The following SRI variants were observed in gnomAD, a reference collection of about 807,000 sequenced individuals.
SRI encodes sorcin, also known as 22 kDa protein.
SRI carries 30 observed loss-of-function variants against 33.3 expected under a neutral mutation model. The ratio of observed to expected loss-of-function variants is 0.90; its 90% CI spans 0.67 to 1.22. SRI has a LOEUF of 1.22. SRI is among the 50% of genes most tolerant of loss of function. The pLI is 0.00. For synonymous variants in SRI, 75 were observed against 89.9 expected (o/e 0.83, Z 0.94); for missense variants, 243 against 250.8 (o/e 0.97, Z 0.21).
At position 88,210,932 on chromosome 7, in the gene SRI, A is replaced by G. The variant is rs1217320835; in HGVS notation, c.206-7T>C. 1 of 1,613,130 alleles carries G rather than the reference A, an allele frequency of 6.2e-7. No homozygotes were observed. Among genetic ancestry groups the G allele is most frequent in the Non-Finnish European group, 8.5e-7 (1 of 1,179,352 alleles). ...CAAGTCTCCAGGTTAAAAGCTGTTA[A>G]ATCAAGAAAAGTACATACATATTAA... is the stretch of plus-strand genomic sequence containing the variant. On this transcript the variant is annotated splice_region_variant and splice_polypyrimidine_tract_variant and intron_variant, in intron 3 of 7. Coordinates refer to ENST00000265729, the MANE Select transcript of SRI (RefSeq NM_003130.4).
At chr7:88,219,050 C>CA (rs1404504231) in intron 1 of SRI, 108 bp from the exon 2 acceptor site, 8 of 874,410 alleles carry the variant, frequency 9.1e-6, no homozygotes, top group Non-Finnish European at 1.5e-5. Context: ...GCCCGCCCTT[C>CA]ACAAGGCTCA....
upstream of SRI, chr7:88,220,146 G>T (rs994708409): frequency 7.4e-7 from 1 of 1,342,722 alleles, no homozygotes; most frequent in Non-Finnish European, 9.5e-7. Flanking sequence ...TGGGGGACGC[G>T]CTCCGCAGTC....
Position 88,218,745 on chromosome 7 carries a change from G to A in SRI, c.135+114C>T, listed in dbSNP as rs964072058. ...TAAGAAACAACTTTTTTTTTCTTTT[G>A]CAGAAGCAAAGGGACTCAGTACCAC... On this transcript the variant is annotated intron_variant, in intron 2 of 7. Coordinates refer to ENST00000265729, the MANE Select transcript of SRI (RefSeq NM_003130.4). 9.8e-6 allele frequency: 9 copies of A among 920,780 alleles called. No individual in the cohort carries two copies. In the African/African-American group the frequency reaches 1.4e-4, roughly 14 times the overall value. 57.0% of individuals were successfully genotyped at this position (920,780 alleles called of 1,614,324 possible).
intron 2 of SRI, among the ~76,000 whole-genome samples, chr7:88,218,509 T>C (rs148940168): frequency 6.6e-6 from 1 of 152,248 alleles, no homozygotes; most frequent in African/African-American, 2.4e-5. Flanking sequence ...CCAAAGAAAG[T>C]GCCCATTAGA....
At chr7:88,207,971 G>C (rs1011796496) in intron 7 of SRI, 6 of 150,572 alleles carry the variant, frequency 4.0e-5, no homozygotes, top group African/African-American at 1.5e-4. Flanking sequence ...CTGGGCAACA[G>C]AGCGAGACTC....
intron 2 of SRI, 89 bp from the exon 3 acceptor site, chr7:88,217,280 GA>G (rs1851751941): frequency 3.7e-6 from 4 of 1,067,304 alleles, no homozygotes; most frequent in Non-Finnish European, 5.7e-6. Flanking sequence ...TAACAACAAA[GA>G]AAATCAGTAT....
At chr7:88,225,536 A>G in intron 1 of SRI, among the ~76,000 whole-genome samples, 1 of 152,156 alleles carries the variant, frequency 6.6e-6, no homozygotes, top group East Asian at 1.9e-4. Flanking sequence ...GCCTACTTAA[A>G]CTTTACCCAG....
intron 4 of SRI, chr7:88,210,638 T>C (rs1458064631): frequency 8.3e-6 from 4 of 483,706 alleles, no homozygotes; most frequent in Middle Eastern, 5.6e-4. Flanking sequence ...CCTGACACTC[T>C]GGACTCTGTA....
rs757478053 is a variant in SRI, at chr7:88,219,987, A to G, written c.40T>C (p.Tyr14His). The change falls in exon 1 of 8, where the codon TAC (tyrosine) becomes CAC (histidine). Residue 14 changes from tyrosine to histidine, a missense_variant. Physicochemically the swap from Tyr to His is moderately conservative, Grantham distance 83 (BLOSUM62 2). Coordinates refer to ENST00000265729, the MANE Select transcript of SRI (RefSeq NM_003130.4). ...PGHPGAGGGY[Y>H]PGGYGGAPGG... ...CAGTCAGCACTTACCCCGCCTGGGT[A>G]GTACCCGCCGCCGGCGCCAGGATGC... 1.3e-6 allele frequency: 2 copies of G among 1,538,870 alleles called. No homozygotes were observed. Among genetic ancestry groups the G allele is most frequent in the Non-Finnish European group, 8.7e-7 (1 of 1,146,470 alleles).
chr7:88,217,839 G>A (rs889735553), intron 2 of SRI, among the ~76,000 whole-genome samples: 3 of 152,180 alleles, frequency 2.0e-5, no homozygotes, highest in Non-Finnish European at 4.4e-5. Context: ...CTTACATGCT[G>A]GAGGCACTGG....
intron 3 of SRI, among the ~76,000 whole-genome samples, chr7:88,214,065 G>C (rs908063394): frequency 6.6e-6 from 1 of 152,206 alleles, no homozygotes; most frequent in Admixed American, 6.5e-5. Context: ...TCATGGTAGA[G>C]TGCTGAATTA....
intron 3 of SRI, 38 bp downstream of exon 3, chr7:88,217,084 A>C: frequency 6.3e-7 from 1 of 1,576,156 alleles, no homozygotes; most frequent in Non-Finnish European, 8.7e-7. Context: ...AGGAAACACA[A>C]GAGTATATTT....
At chr7:88,208,957 C>T (rs1427098877) in intron 6 of SRI, 4 of 267,004 alleles carry the variant, frequency 1.5e-5, no homozygotes, top group South Asian at 1.5e-4. Context: ...AACAAATGGG[C>T]TGTAATCAGT....
Position 88,219,979 on chromosome 7 carries a change from G to A in SRI, c.48C>T (p.Gly16=), listed in dbSNP as rs1219145414. 5.8e-6 allele frequency: 9 copies of A among 1,540,034 alleles called. No individual in the cohort carries two copies. Among genetic ancestry groups the A allele is most frequent in the Non-Finnish European group, 7.0e-6 (8 of 1,146,762 alleles). ...HPGAGGGYYP[G]GYGGAPGGPA... is the part of the protein sequence containing the mutation. Reference sequence around the variant, plus strand: ...ATCCCGCGCAGTCAGCACTTACCCCGCCTGGGTAGTACCCGCCGCCGGCGC... The same window carrying A: ...ATCCCGCGCAGTCAGCACTTACCCCACCTGGGTAGTACCCGCCGCCGGCGC... Residue 16 remains glycine (G), a synonymous_variant, in exon 1 of 8, where the codon GGC becomes GGT. Coordinates refer to ENST00000265729, the MANE Select transcript of SRI (RefSeq NM_003130.4).
chr7:88,226,052 G>T (rs1423457470), intron 1 of SRI, among the ~76,000 whole-genome samples: 1 of 152,154 alleles, frequency 6.6e-6, no homozygotes, highest in Admixed American at 6.5e-5. Context: ...CACATAGAAA[G>T]CAGAATATTG....
exon 1 of SRI, chr7:88,226,970 G>T: frequency 1.2e-6 from 2 of 1,611,614 alleles, no homozygotes; most frequent in Non-Finnish European, 1.7e-6. Context: ...TTGCCTTCTT[G>T]CAGAGTGGCC....
Position 88,206,463 on chromosome 7 carries a change from C to T in SRI, c.*15G>A. 6.2e-7 allele frequency: 1 copy of T among 1,613,834 alleles called. No individual in the cohort carries two copies. The highest frequency in any genetic ancestry group is 8.5e-7 in the Non-Finnish European group (1 of 1,179,786). On this transcript the variant is annotated 3_prime_UTR_variant, in exon 8 of 8. Coordinates refer to ENST00000265729, the MANE Select transcript of SRI (RefSeq NM_003130.4). ...AGTTGGAATGTTGATTACATTCATG[C>T]AGCTTCCTCTTGATTTAAACACTCA...
intron 1 of SRI, chr7:88,226,813 T>C (rs760136190): frequency 1.8e-5 from 25 of 1,362,128 alleles, no homozygotes; most frequent in Non-Finnish European, 2.4e-5. Flanking sequence ...TCAGTAGAAC[T>C]ACAAAGATTA....
At chr7:88,215,462 A>G (rs747767151) in intron 3 of SRI, among the ~76,000 whole-genome samples, 1 of 152,244 alleles carries the variant, frequency 6.6e-6, no homozygotes, top group Non-Finnish European at 1.5e-5. Context: ...CCCTGCTAAT[A>G]GGCAGGCCTA....
Sources: gnomAD v4.1 joint callset for allele counts (sites outside exome capture counted in the v4.1 genomes callset) on GRCh38, gnomAD v4.1.1 for gene constraint, MANE v1.5 for transcripts, NCBI Gene and HGNC (gene_info 2026-07-23, HGNC 2026-07-21) for gene names.